Variants in LYRM4 observed in about 807,000 individuals in gnomAD.
The protein encoded by LYRM4 is LYR motif containing 4.
LYRM4 carries 9 observed loss-of-function variants against 11.7 expected under a neutral mutation model. The observed-to-expected ratio is 0.77, with a 90% CI of 0.46 to 1.34. The LOEUF (loss-of-function observed/expected upper bound fraction) is 1.34, where lower values mean the gene tolerates loss of function less well. Among genes scored for constraint, LYRM4 ranks in the 40% most tolerant of loss-of-function variants. The pLI is 0.00. For synonymous variants in LYRM4, 42 were observed against 40.4 expected (o/e 1.04, Z -0.15); for missense variants, 133 against 112.5 (o/e 1.18, Z -0.82).
At chr6:5,046,888 G>A in the LYRM4 span, among the ~76,000 whole-genome samples, 5,850 of 152,152 alleles carry the variant, frequency 0.038, 146 homozygotes, top group South Asian at 0.092. Context: ...CCAGGAGTTC[G>A]AGACCAGCCC....
At chr6:5,043,950 G>A in the LYRM4 span, among the ~76,000 whole-genome samples, 1 of 152,282 alleles carries the variant, frequency 6.6e-6, no homozygotes, top group East Asian at 1.9e-4. Context: ...ACAAAAAAAG[G>A]CTCTTGTCCA....
intron 2 of LYRM4, among the ~76,000 whole-genome samples, chr6:5,181,317 C>T (rs1446537859): frequency 5.9e-5 from 9 of 152,150 alleles, no homozygotes; most frequent in African/African-American, 1.2e-4. Flanking sequence ...CGAGGACTCA[C>T]GTAGGAAACC....
chr6:5,170,362 T>G (rs1160250535), intron 2 of LYRM4, among the ~76,000 whole-genome samples: 1 of 151,454 alleles, frequency 6.6e-6, no homozygotes, highest in Admixed American at 6.6e-5. Context: ...TGTGTGTGTA[T>G]GTGCACATAT....
At chr6:5,037,551 G>A in the LYRM4 span, among the ~76,000 whole-genome samples, 83 of 76,156 alleles carry the variant, frequency 1.1e-3, no homozygotes, top group East Asian at 2.1e-3. Context: ...GGTCCTGGCC[G>A]GGCAGAGGGG....
At chr6:5,245,365 A>C (rs1764149960) in intron 1 of LYRM4, among the ~76,000 whole-genome samples, 1 of 151,706 alleles carries the variant, frequency 6.6e-6, no homozygotes, top group African/African-American at 2.4e-5. Context: ...AATAAGCAGC[A>C]CACACACATG....
chr6:5,111,326 G>A (rs1257665498), intron 2 of LYRM4, among the ~76,000 whole-genome samples: 1 of 152,208 alleles, frequency 6.6e-6, no homozygotes, highest in Non-Finnish European at 1.5e-5. Context: ...GTATTTAATT[G>A]ATCTCAGGGG....
At position 5,239,794 on chromosome 6, in the gene LYRM4, G is replaced by T. The variant is rs146883786; in HGVS notation, c.86+20854C>A. On this transcript the variant is annotated intron_variant, in intron 1 of 2. Transcript: ENST00000330636. ...TTCCTAATCGGCACAGGCCACATTG[G>T]TCTTTTCCCAAGGCTCTTCCAGACC... is the stretch of plus-strand genomic sequence containing the variant. Among the ~76,000 whole-genome samples the T allele has an allele frequency of 1.1e-3, 163 of 152,254 alleles. 2 individuals carry two copies. The highest frequency in any genetic ancestry group is 0.01 in the Middle Eastern group (3 of 294).
At chr6:5,182,164 A>G in intron 2 of LYRM4, among the ~76,000 whole-genome samples, 1 of 151,964 alleles carries the variant, frequency 6.6e-6, no homozygotes, top group South Asian at 2.1e-4. Context: ...AACTGCAGCT[A>G]TTTTTTTTCT....
chr6:5,196,124 G>C lies in LYRM4; in HGVS notation c.207+20494C>G, dbSNP rs148655273. On this transcript the variant is annotated intron_variant, in intron 2 of 2. Coordinates refer to ENST00000330636, the MANE Select transcript of LYRM4 (RefSeq NM_020408.6). ...CAGAGAGTGGTAAGAGTCACTCAAG[G>C]ACGCTGGGGCAACGTGGCTCCGACC... is the stretch of plus-strand genomic sequence containing the variant. Among the ~76,000 whole-genome samples the C allele has an allele frequency of 4.3e-4, 65 of 152,266 alleles. No individual in the cohort carries two copies. In the East Asian group the frequency reaches 0.011, roughly 25 times the overall value.
the LYRM4 span, among the ~76,000 whole-genome samples, chr6:5,093,127 C>T: frequency 2.5e-4 from 38 of 152,158 alleles, no homozygotes; most frequent in Non-Finnish European, 4.6e-4. Context: ...CCCAAAAAAC[C>T]CCACCTGAAC....
At chr6:5,086,507 A>G in the LYRM4 span, 1 of 1,535,358 alleles carries the variant, frequency 6.5e-7, no homozygotes, top group South Asian at 1.2e-5. Flanking sequence ...TACTGGGACA[A>G]CAACGCGGGC....
At chr6:5,162,484 C>A (rs1419724268) in intron 2 of LYRM4, among the ~76,000 whole-genome samples, 19 of 131,330 alleles carry the variant, frequency 1.4e-4, no homozygotes, top group Admixed American at 1.3e-3. Context: ...AGAGATGGAG[C>A]GACAGAGAGC....
intron 1 of LYRM4, among the ~76,000 whole-genome samples, chr6:5,242,293 C>T (rs1268278445): frequency 6.6e-6 from 1 of 151,720 alleles, no homozygotes; most frequent in Non-Finnish European, 1.5e-5. Flanking sequence ...AGGATGGTCT[C>T]GATCTCCTGA....
intron 1 of LYRM4, among the ~76,000 whole-genome samples, chr6:5,221,919 C>A (rs2060065209): frequency 6.6e-6 from 1 of 152,320 alleles, no homozygotes; most frequent in African/African-American, 2.4e-5. Flanking sequence ...AACTCCTCAG[C>A]CCCAATCTTG....
the LYRM4 span, among the ~76,000 whole-genome samples, chr6:5,074,971 G>T: frequency 6.6e-6 from 1 of 152,116 alleles, no homozygotes; most frequent in African/African-American, 2.4e-5. Flanking sequence ...TCTTCCTTTG[G>T]TGCTGTCCTC....
chr6:5,187,380 A>G (rs945348835), intron 2 of LYRM4, among the ~76,000 whole-genome samples: 1 of 152,234 alleles, frequency 6.6e-6, no homozygotes, highest in Non-Finnish European at 1.5e-5. Context: ...ATAATGGCAA[A>G]AAGCTGAAAT....
chr6:5,136,745 T>C (rs1474870855), intron 2 of LYRM4: 1 of 985,290 alleles, frequency 1.0e-6, no homozygotes, highest in East Asian at 1.1e-4. Context: ...GCAGCGCCTG[T>C]AGGAAGACTG....
At chr6:5,053,756 AG>A in the LYRM4 span, among the ~76,000 whole-genome samples, 1 of 152,198 alleles carries the variant, frequency 6.6e-6, no homozygotes, top group African/African-American at 2.4e-5. Flanking sequence ...TGTAAGTAAT[AG>A]GTCTGTATGG....
rs867918302 is a variant in LYRM4 at position 5,108,647 on chromosome 6, C to T, written c.*776G>A. 2.0e-6 allele frequency: 1 copy of T among 495,662 alleles called. No homozygotes were observed. Among genetic ancestry groups the T allele is most frequent in the African/African-American group, 2.1e-5 (1 of 47,632 alleles). 30.7% of individuals were successfully genotyped at this position (495,662 alleles called of 1,614,324 possible). On this transcript the variant is annotated 3_prime_UTR_variant, in exon 3 of 3. Transcript: ENST00000330636. ...CTTCTGTCCACCAGCCAGATTTGGG[C>T]ACCGGTGCTGCCCAGCATGCCCCAG...
Sources: allele counts gnomAD v4.1 joint callset (sites outside exome capture counted in the v4.1 genomes callset), GRCh38; gene constraint gnomAD v4.1.1; transcripts MANE v1.5; gene names NCBI Gene and HGNC (gene_info 2026-07-23, HGNC 2026-07-21).